The following MLLT3 variants were observed in gnomAD, a reference collection of about 807,000 sequenced individuals.
MLLT3 encodes the protein protein AF-9.
In MLLT3, 4 loss-of-function variants were observed where a neutral mutation model predicts 53.2. That is an observed-to-expected ratio of 0.08 (90% CI 0.04 to 0.17). The LOEUF (loss-of-function observed/expected upper bound fraction) is 0.17. Ranked by LOEUF, MLLT3 falls within the 10% of genes least tolerant of loss-of-function variation. The probability of loss-of-function intolerance (pLI) is 1.00; values close to 1 mark genes in which losing one functional copy is unlikely to be tolerated. For missense variants in MLLT3, 569 were observed against 684.0 expected (o/e 0.83, Z 1.87); for synonymous variants, 283 against 230.6 (o/e 1.23, Z -2.06).
rs1344145188 is a variant in MLLT3, at chr9:20,533,106, C to T, written c.194-76320G>A. 3 of 254,204 alleles carry T rather than the reference C, an allele frequency of 1.2e-5. No individual in the cohort carries two copies. In the East Asian group the frequency reaches 3.4e-4, roughly 29 times the overall value. The allele number at this position is 254,204 out of a possible 1,614,324, so 15.7% of individuals were successfully genotyped here. On this transcript the variant is annotated intron_variant, in intron 2 of 10. Transcript: ENST00000380338. ...AATGGGGGTCCCTTAAGTGCATTAC[C>T]AAGGAGAAGGCAAGTCTGGGACATC...
intron 2 of MLLT3, among the ~76,000 whole-genome samples, chr9:20,466,873 G>A (rs1313104375): frequency 6.6e-6 from 1 of 152,198 alleles, no homozygotes; most frequent in Non-Finnish European, 1.5e-5. Context: ...AGCAGAGACA[G>A]AGTCAGTCAC....
At chr9:20,522,877 T>C (rs868592939) in intron 2 of MLLT3, among the ~76,000 whole-genome samples, 2 of 152,082 alleles carry the variant, frequency 1.3e-5, no homozygotes, top group East Asian at 1.9e-4. Context: ...AGGAGAATCA[T>C]CTGAGCTAAA....
At chr9:20,484,986 TTTTTA>T (rs1389646829) in intron 2 of MLLT3, among the ~76,000 whole-genome samples, 1 of 151,972 alleles carries the variant, frequency 6.6e-6, no homozygotes. Context: ...ATTTTTATTT[TTTTTA>T]TTTATTTTTT....
At chr9:20,399,023 G>T (rs930264143) in intron 5 of MLLT3, among the ~76,000 whole-genome samples, 1 of 152,144 alleles carries the variant, frequency 6.6e-6, no homozygotes, top group Non-Finnish European at 1.5e-5. Flanking sequence ...AGGTAAGAGT[G>T]AAATCCAATT....
At chr9:20,501,926 C>T (rs10964581) in intron 2 of MLLT3, among the ~76,000 whole-genome samples, 15,971 of 151,480 alleles carry the variant, frequency 0.11, 1,073 homozygotes, top group East Asian at 0.17. Flanking sequence ...ACTAAAAATA[C>T]AAAAATTAGC....
rs569072229 is a variant in MLLT3, at chr9:20,352,103, A to T, written c.1575+1422T>A. 1.1e-4 allele frequency among the ~76,000 whole-genome samples: 16 copies of T among 152,348 alleles called. No homozygotes were observed. The East Asian group carries it at 2.3e-3, about 22-fold the overall frequency. ...TCTTCGCAATTCTTATAAGGTCAAAATAAAGGACAACATTAAATTGCGAAT... is the reference window on the plus strand; with the variant it reads ...TCTTCGCAATTCTTATAAGGTCAAATTAAAGGACAACATTAAATTGCGAAT... On this transcript the variant is annotated intron_variant, in intron 10 of 10. Transcript: ENST00000380338.
At chr9:20,393,043 T>C (rs571935061) in intron 5 of MLLT3, among the ~76,000 whole-genome samples, 2 of 152,188 alleles carry the variant, frequency 1.3e-5, no homozygotes, top group South Asian at 4.2e-4. Flanking sequence ...TAATCCCAGC[T>C]ACTTAGGAGG....
chr9:20,348,240 T>G (rs886179286), intron 10 of MLLT3, among the ~76,000 whole-genome samples: 79 of 152,338 alleles, frequency 5.2e-4, no homozygotes, highest in African/African-American at 1.8e-3. Context: ...TTTTTTTTTA[T>G]TAACGGAAGG....
intron 5 of MLLT3, among the ~76,000 whole-genome samples, chr9:20,387,064 T>TA (rs148906067): frequency 3.3e-5 from 5 of 152,330 alleles, no homozygotes; most frequent in East Asian, 3.9e-4. Context: ...GGACAGAAAA[T>TA]ACGTCTTTCT....
At chr9:20,475,513 C>G (rs1775634090) in intron 2 of MLLT3, among the ~76,000 whole-genome samples, 1 of 152,090 alleles carries the variant, frequency 6.6e-6, no homozygotes, top group Admixed American at 6.6e-5. Flanking sequence ...AAGTTTCATA[C>G]AACTGTCTAC....
At position 20,566,831 on chromosome 9, in the gene MLLT3, C is replaced by T. The variant is rs561444133; in HGVS notation, c.193+53823G>A. 2.3e-3 allele frequency among the ~76,000 whole-genome samples: 346 copies of T among 152,160 alleles called. 1 individual carries two copies. Among genetic ancestry groups the T allele is most frequent in the South Asian group, 5.4e-3 (26 of 4,816 alleles). ...GTAGAGGGCATCTGAACCTAGGGCT[C>T]CAGGTGGTACACCAAATGATCACTG... On this transcript the variant is annotated intron_variant, in intron 2 of 10. Transcript: ENST00000380338.
intron 5 of MLLT3, among the ~76,000 whole-genome samples, chr9:20,406,980 T>G (rs1027505558): frequency 6.6e-6 from 1 of 152,224 alleles, no homozygotes; most frequent in Non-Finnish European, 1.5e-5. Context: ...AGTCATAAAT[T>G]GTAACCCTCT....
chr9:20,359,518 A>C (rs1246594045), intron 8 of MLLT3, among the ~76,000 whole-genome samples: 1 of 152,268 alleles, frequency 6.6e-6, no homozygotes, highest in Non-Finnish European at 1.5e-5. Flanking sequence ...ATTGCAGTTG[A>C]ACTGTAACTG....
chr9:20,561,084 G>A (rs1455553833), intron 2 of MLLT3, among the ~76,000 whole-genome samples: 1 of 152,186 alleles, frequency 6.6e-6, no homozygotes, highest in Non-Finnish European at 1.5e-5. Context: ...TATTTTGTGT[G>A]TGTGTGTGCT....
chr9:20,561,349 TC>T (rs1435709123), intron 2 of MLLT3, among the ~76,000 whole-genome samples: 1 of 152,158 alleles, frequency 6.6e-6, no homozygotes, highest in Non-Finnish European at 1.5e-5. Flanking sequence ...AACTCTTCAT[TC>T]TGAAGACTAT....
At chr9:20,554,599 A>G (rs1212182538) in intron 2 of MLLT3, among the ~76,000 whole-genome samples, 1 of 152,232 alleles carries the variant, frequency 6.6e-6, no homozygotes, top group Non-Finnish European at 1.5e-5. Context: ...CAGCAAAACA[A>G]AGCTGATTAT....
At position 20,622,407 on chromosome 9, in the gene MLLT3, C is replaced by A. The variant is rs564145418; in HGVS notation, c.-151G>T. The A allele has an allele frequency of 2.8e-6, 2 of 705,982 alleles. No homozygotes were observed. Among genetic ancestry groups the A allele is most frequent in the East Asian group, 3.2e-5 (1 of 31,686 alleles). 43.7% of individuals were successfully genotyped at this position (705,982 alleles called of 1,614,324 possible). A position where few individuals can be genotyped will look rare whatever the true frequency, so the allele number is the denominator to read the frequency against. On this transcript the variant is annotated 5_prime_UTR_variant, in exon 1 of 11. Coordinates refer to ENST00000380338, the MANE Select transcript of MLLT3 (RefSeq NM_004529.4). The stretch of plus-strand genomic sequence containing the variant: ...CGGACATTCTCTGCCTTTTTCCCCC[C>A]GCGCTCGCTTGCTCGCTCGCTCGCT...
intron 4 of MLLT3, among the ~76,000 whole-genome samples, chr9:20,435,646 G>A (rs1379600834): frequency 1.3e-5 from 2 of 152,182 alleles, no homozygotes; most frequent in African/African-American, 4.8e-5. Flanking sequence ...TAGGCAGAAA[G>A]TGGGAGGTGT....
At chr9:20,617,953 C>A (rs1820877574) in intron 2 of MLLT3, among the ~76,000 whole-genome samples, 1 of 152,150 alleles carries the variant, frequency 6.6e-6, no homozygotes, top group South Asian at 2.1e-4. Flanking sequence ...AGGAAATCAA[C>A]CTGAAAATCA....
Sources: gnomAD v4.1 joint callset for allele counts (sites outside exome capture counted in the v4.1 genomes callset) on GRCh38, gnomAD v4.1.1 for gene constraint, MANE v1.5 for transcripts, NCBI Gene and HGNC (gene_info 2026-07-23, HGNC 2026-07-21) for gene names.